ITPRID2: variants seen among roughly 807,000 people sequenced by gnomAD.
The protein encoded by ITPRID2 is protein ITPRID2.
A neutral mutation model predicts 124.3 loss-of-function variants in ITPRID2; 60 were observed. The observed-to-expected ratio is 0.48, with a 90% CI of 0.39 to 0.60. The LOEUF (loss-of-function observed/expected upper bound fraction) is 0.60, where lower values mean the gene tolerates loss of function less well. ITPRID2 is among the 20% of genes least tolerant of loss of function. ITPRID2 has a pLI of 0.00. For synonymous variants in ITPRID2, 521 were observed against 542.9 expected, an observed-to-expected ratio of 0.96 and a Z score of 0.56; for missense variants, 1,553 against 1,512.2, an observed-to-expected ratio of 1.03 and a Z score of -0.45.
intron 9 of ITPRID2, among the ~76,000 whole-genome samples, chr2:181,911,882 G>A (rs1242581441): frequency 6.6e-6 from 1 of 152,130 alleles, no homozygotes; most frequent in East Asian, 1.9e-4. Flanking sequence ...CTTGAACCCA[G>A]GCCTCCTTGT....
rs1266609502 is a variant in ITPRID2, at chr2:181,905,285, G to A, written c.1413+2819G>A. Among the ~76,000 whole-genome samples the A allele has an allele frequency of 3.9e-5, 6 of 152,076 alleles. No homozygotes were observed. The highest frequency in any genetic ancestry group is 2.4e-5 in the African/African-American group (1 of 41,484). On this transcript the variant is annotated intron_variant, in intron 8 of 17. Coordinates refer to ENST00000431877, the MANE Select transcript of ITPRID2 (RefSeq NM_001130445.3). This position sits in a 1 kb window ranked among gnomAD's most constrained non-coding sequence, Gnocchi z 4.1. ...AGGCTGGTCTCAAACTCCTGACCTC[G>A]TGATCTGACCACCTCGGCCTCCCAA... is the stretch of plus-strand genomic sequence containing the variant.
At chr2:181,894,211 TAA>T (rs1691999088) in intron 2 of ITPRID2, 1 of 152,240 alleles carries the variant, frequency 6.6e-6, no homozygotes, top group Non-Finnish European at 1.5e-5. Flanking sequence ...TAAGATTGTA[TAA>T]GAGATCCTAT....
intron 9 of ITPRID2, among the ~76,000 whole-genome samples, chr2:181,911,310 T>C (rs1340858489): frequency 6.6e-6 from 1 of 152,146 alleles, no homozygotes; most frequent in African/African-American, 2.4e-5. Flanking sequence ...TTAGGAAAAA[T>C]GCATATAGCA....
chr2:181,892,170 A>G lies in ITPRID2; in HGVS notation c.104A>G (p.Gln35Arg), dbSNP rs1181902776. Residue 35 changes from glutamine to arginine, a missense_variant, in exon 1 of 18, where the codon CAA (glutamine) becomes CGA (arginine). Gln to Arg is a conservative substitution (Grantham distance 43, BLOSUM62 1). Transcript: ENST00000431877. This position sits in a 1 kb window ranked among gnomAD's most constrained non-coding sequence, Gnocchi z 5.2. Reference protein sequence around the residue: ...KAWAKCRSSWQASETEDLSTE... With the variant: ...KAWAKCRSSWRASETEDLSTE... ...TGGGCCAAGTGCCGCAGCTCCTGGCAAGCGTCGGAGACGGAGGATCTGTCC... is the reference window on the plus strand; with the variant it reads ...TGGGCCAAGTGCCGCAGCTCCTGGCGAGCGTCGGAGACGGAGGATCTGTCC... 9.6e-6 allele frequency: 15 copies of G among 1,554,414 alleles called. No individual in the cohort carries two copies. Among genetic ancestry groups the G allele is most frequent in the Non-Finnish European group, 1.2e-5 (14 of 1,149,090 alleles).
chr2:181,892,379 G>T lies in ITPRID2; in HGVS notation c.211+102G>T, dbSNP rs901664590. On this transcript the variant is annotated intron_variant, in intron 1 of 17. Coordinates refer to ENST00000431877, the MANE Select transcript of ITPRID2 (RefSeq NM_001130445.3). The surrounding 1 kb of genome is among the most constrained non-coding windows in gnomAD (Gnocchi z 5.2). ...GAGTTCTGGGAGAGCCTCGGGCACGGTAGGCCGAGGGGAGAGGGGACACTT... is the reference window on the plus strand; with the variant it reads ...GAGTTCTGGGAGAGCCTCGGGCACGTTAGGCCGAGGGGAGAGGGGACACTT... 1 of 1,337,904 alleles carries T rather than the reference G, an allele frequency of 7.5e-7. No individual in the cohort carries two copies. The highest frequency in any genetic ancestry group is 1.0e-6 in the Non-Finnish European group (1 of 992,986). The allele number at this position is 1,337,904 out of a possible 1,614,324, so 82.9% of individuals were successfully genotyped here. A position where few individuals can be genotyped will look rare whatever the true frequency, so the allele number is the denominator to read the frequency against.
chr2:181,928,171 C>G lies in ITPRID2; in HGVS notation c.3686C>G (p.Ser1229Cys). 6.5e-7 allele frequency: 1 copy of G among 1,547,104 alleles called. No individual in the cohort carries two copies. The highest frequency in any genetic ancestry group is 1.2e-5 in the South Asian group (1 of 83,522). Residue 1229 changes from serine (S) to cysteine (C), a missense_variant, in exon 17 of 18, where the codon TCT becomes TGT. Transcript: ENST00000431877. Reference protein sequence around the residue: ...LQQVIREIKESIVGEIRREIV... With the variant: ...LQQVIREIKECIVGEIRREIV... Reference sequence around the variant, plus strand: ...GTTTTTCCAATCTAGATTAAAGAGTCTATTGTTGGGGAAATCAGACGGGAA... The same window carrying G: ...GTTTTTCCAATCTAGATTAAAGAGTGTATTGTTGGGGAAATCAGACGGGAA...
Position 181,901,911 on chromosome 2 carries a change from A to G in ITPRID2, c.858A>G (p.Leu286=). ...SNKETDPPPP[L]TRSNTANRLM... is the part of the protein sequence containing the mutation. ...AGGAGACAGACCCACCTCCACCTTT[A>G]ACTCGAAGTAACACTGCAAATCGTT... is the stretch of plus-strand genomic sequence containing the variant. Residue 286 remains leucine, a synonymous_variant, in exon 8 of 18, where the codon TTA becomes TTG. Transcript: ENST00000431877. 3 of 1,613,926 alleles carry G rather than the reference A, an allele frequency of 1.9e-6. No homozygotes were observed. The highest frequency in any genetic ancestry group is 2.5e-6 in the Non-Finnish European group (3 of 1,179,906).
Position 181,919,170 on chromosome 2 carries a change from T to G in ITPRID2, c.2994-126T>G. ...TGGATACACCTATTGTAGTTGATAT[T>G]GTACTAATTTCTAGAACCTGAGATT... is the stretch of plus-strand genomic sequence containing the variant. On this transcript the variant is annotated intron_variant, in intron 13 of 17. Transcript: ENST00000431877. The surrounding 1 kb of genome is among the most constrained non-coding windows in gnomAD (Gnocchi z 4.2). 1 of 1,074,706 alleles carries G rather than the reference T, an allele frequency of 9.3e-7. No homozygotes were observed. Among genetic ancestry groups the G allele is most frequent in the South Asian group, 1.5e-5 (1 of 66,978 alleles). The allele number at this position is 1,074,706 out of a possible 1,614,324, so 66.6% of individuals were successfully genotyped here.
chr2:181,895,107 G>C (rs1315053419), intron 2 of ITPRID2, among the ~76,000 whole-genome samples: 1 of 152,012 alleles, frequency 6.6e-6, no homozygotes, highest in Non-Finnish European at 1.5e-5. Context: ...CTTGTAGAAA[G>C]TTTTAACCTT....
rs79253933 is a variant in ITPRID2 at position 181,926,857 on chromosome 2, T to C, written c.3676-1304T>C. On this transcript the variant is annotated intron_variant, in intron 16 of 17. Transcript: ENST00000431877. ...CATTGTTGTGAATATAGATTTGCAG[T>C]GGTCCTAATTCAGTATGTTGTATTT... Among the ~76,000 whole-genome samples, 264 of 152,308 alleles carry C rather than the reference T, an allele frequency of 1.7e-3. 7 individuals carry two copies. In the East Asian group the frequency reaches 0.046, roughly 26 times the overall value.
At position 181,919,276 on chromosome 2, in the gene ITPRID2, G is replaced by C. The variant is rs772561837; in HGVS notation, c.2994-20G>C. On this transcript the variant is annotated intron_variant, in intron 13 of 17. Transcript: ENST00000431877. This position sits in a 1 kb window ranked among gnomAD's most constrained non-coding sequence, Gnocchi z 4.2. ...CCAAACTGCATTTTTCCAATTTTGTGCCCTTCACCATACCAATAGGTTTGA... is the reference window on the plus strand; with the variant it reads ...CCAAACTGCATTTTTCCAATTTTGTCCCCTTCACCATACCAATAGGTTTGA... 54 of 1,612,628 alleles carry C rather than the reference G, an allele frequency of 3.3e-5. No homozygotes were observed. The highest frequency in any genetic ancestry group is 4.6e-5 in the Non-Finnish European group (54 of 1,179,764).
chr2:181,899,143 C>A (rs754932039), intron 6 of ITPRID2, 31 bp downstream of exon 6: 1 of 1,480,252 alleles, frequency 6.8e-7, no homozygotes, highest in East Asian at 2.3e-5. Context: ...GTTGGAATTA[C>A]ATTGTGCTAT....
intron 16 of ITPRID2, among the ~76,000 whole-genome samples, chr2:181,924,726 C>T (rs1457087236): frequency 1.3e-5 from 2 of 152,116 alleles, no homozygotes; most frequent in African/African-American, 4.8e-5. Flanking sequence ...CAGTAGAATT[C>T]TTTTTTTGAA....
intron 9 of ITPRID2, among the ~76,000 whole-genome samples, chr2:181,913,310 G>A (rs937911714): frequency 6.6e-6 from 1 of 151,916 alleles, no homozygotes; most frequent in Non-Finnish European, 1.5e-5. Context: ...CTCGTGATCC[G>A]CCCGCCTCAG....
Position 181,915,341 on chromosome 2 carries a change from AGAG to A in ITPRID2, c.1708_1710del (p.Glu570del), listed in dbSNP as rs761702002. The A allele has an allele frequency of 1.8e-4, 290 of 1,614,094 alleles. No individual in the cohort carries two copies. Among genetic ancestry groups the A allele is most frequent in the Non-Finnish European group, 2.2e-4 (265 of 1,180,050 alleles). On this transcript the variant is annotated inframe_deletion, in exon 11 of 18. Transcript: ENST00000431877. ...AAGACCAGCCTTATTTTAATGAATCAGAGGAGGAGTCTCTTGTCCCTCTTCAGA... is the reference window on the plus strand; with the variant it reads ...AAGACCAGCCTTATTTTAATGAATCAGAGGAGTCTCTTGTCCCTCTTCAGA...
In ITPRID2 at chr2:181,892,024, T is replaced by G. The variant is rs1691736065; in HGVS notation, c.-43T>G. ...CGGGGGTCCCTGCCGCCGCCTTGTC[T>G]CGCGCAGGGTCCGGCTGGGGTAGCG... is the stretch of plus-strand genomic sequence containing the variant. On this transcript the variant is annotated 5_prime_UTR_variant, in exon 1 of 18. Coordinates refer to ENST00000431877, the MANE Select transcript of ITPRID2 (RefSeq NM_001130445.3). The surrounding 1 kb of genome is among the most constrained non-coding windows in gnomAD (Gnocchi z 5.2). 5 of 1,537,744 alleles carry G rather than the reference T, an allele frequency of 3.3e-6. No individual in the cohort carries two copies. The highest frequency in any genetic ancestry group is 4.4e-6 in the Non-Finnish European group (5 of 1,140,442).
In ITPRID2 at chr2:181,902,500, TG is replaced by T. The variant is rs774598782; in HGVS notation, c.1413+35del. 5 of 1,437,192 alleles carry T rather than the reference TG, an allele frequency of 3.5e-6. No individual in the cohort carries two copies. Among genetic ancestry groups the T allele is most frequent in the Non-Finnish European group, 3.7e-6 (4 of 1,075,882 alleles). The allele number at this position is 1,437,192 out of a possible 1,614,324, so 89.0% of individuals were successfully genotyped here. On this transcript the variant is annotated intron_variant, in intron 8 of 17. Coordinates refer to ENST00000431877, the MANE Select transcript of ITPRID2 (RefSeq NM_001130445.3). The surrounding 1 kb of genome is among the most constrained non-coding windows in gnomAD (Gnocchi z 4.4). ...AAAATTACTGAGACTGGTTTCAAGTTGCAGACTAGGAAAAAAAGTACCAAAA... is the reference window on the plus strand; with the variant it reads ...AAAATTACTGAGACTGGTTTCAAGTTCAGACTAGGAAAAAAAGTACCAAAA...
In ITPRID2 at chr2:181,910,570, T is replaced by TA. The variant is rs746684967; in HGVS notation, c.1486+600dup. 1.2e-3 allele frequency: 860 copies of TA among 692,426 alleles called. 3 individuals are homozygous for TA. The highest frequency in any genetic ancestry group is 1.8e-4 in the Non-Finnish European group (67 of 376,648). The allele number at this position is 692,426 out of a possible 1,614,324, so 42.9% of individuals were successfully genotyped here. A position where few individuals can be genotyped will look rare whatever the true frequency, so the allele number is the denominator to read the frequency against. On this transcript the variant is annotated intron_variant, in intron 9 of 17. Coordinates refer to ENST00000431877, the MANE Select transcript of ITPRID2 (RefSeq NM_001130445.3). This position sits in a 1 kb window ranked among gnomAD's most constrained non-coding sequence, Gnocchi z 4.1. ...AACAAAAATGTGTGATCTTTGGATTTACAAAACTTTTGAGCTTTAGAGAAA... is the reference window on the plus strand; with the variant it reads ...AACAAAAATGTGTGATCTTTGGATTTAACAAAACTTTTGAGCTTTAGAGAAA...
At chr2:181,913,710 G>A (rs2125093442) in intron 9 of ITPRID2, 135 bp from the exon 10 acceptor site, 1 of 552,172 alleles carries the variant, frequency 1.8e-6, no homozygotes. Context: ...TTTCTAAGAA[G>A]CAGTCAAATA....
Sources: gnomAD v4.1 joint callset for allele counts (sites outside exome capture counted in the v4.1 genomes callset) on GRCh38, gnomAD v4.1.1 for gene constraint, Gnocchi (gnomAD v3.1) non-coding constraint, MANE v1.5 for transcripts, NCBI Gene and HGNC (gene_info 2026-07-23, HGNC 2026-07-21) for gene names.